ELOVL5: variants seen among roughly 807,000 people sequenced by gnomAD.
The protein encoded by ELOVL5 is very long chain fatty acid elongase 5.
A neutral mutation model predicts 38.6 loss-of-function variants in ELOVL5; 8 were observed. The ratio of observed to expected loss-of-function variants is 0.21; its 90% CI spans 0.12 to 0.37. ELOVL5 has a LOEUF of 0.37. Among genes scored for constraint, ELOVL5 ranks in the 10% least tolerant of loss-of-function variants. ELOVL5 has a pLI of 1.00. For synonymous variants in ELOVL5, 127 were observed against 133.7 expected, an observed-to-expected ratio of 0.95 and a Z score of 0.34; for missense variants, 280 against 367.8, an observed-to-expected ratio of 0.76 and a Z score of 1.95.
In ELOVL5 at chr6:53,348,817, C is replaced by T. The variant is rs1395622258; in HGVS notation, c.-9G>A. On this transcript the variant is annotated splice_region_variant and 5_prime_UTR_variant, in exon 1 of 8. Coordinates refer to ENST00000304434, the MANE Select transcript of ELOVL5 (RefSeq NM_021814.5). ...AGTTTCCCGGAGCTGACGGCTTTAC[C>T]TTTTAGCCCAAGGGGCGGCAGCAGC... The T allele has an allele frequency of 2.2e-6, 1 of 456,450 alleles. No individual in the cohort carries two copies. The highest frequency in any genetic ancestry group is 4.4e-6 in the Non-Finnish European group (1 of 227,010). 28.3% of individuals were successfully genotyped at this position (456,450 alleles called of 1,614,324 possible).
At chr6:53,283,841 T>C (rs1263361542) in intron 3 of ELOVL5, among the ~76,000 whole-genome samples, 4 of 152,172 alleles carry the variant, frequency 2.6e-5, no homozygotes, top group African/African-American at 9.7e-5. Context: ...GATAAAATAT[T>C]ATTCAAGTGT....
In ELOVL5 at chr6:53,273,309, C is replaced by T. The variant is rs754985930; in HGVS notation, c.532G>A (p.Val178Ile). The T allele has an allele frequency of 1.4e-5, 23 of 1,612,734 alleles. No individual in the cohort carries two copies. The highest frequency in any genetic ancestry group is 1.0e-4 in the Admixed American group (6 of 59,938). ...AAACCATAGTAAGAGTACATGAGGACGTGGATGAAGCTATTAAGTGTGGCA... is the reference window on the plus strand; with the variant it reads ...AAACCATAGTAAGAGTACATGAGGATGTGGATGAAGCTATTAAGTGTGGCA... ...FGATLNSFIH[V>I]LMYSYYGLSS... The change falls in exon 6 of 8, where the codon GTC (valine) becomes ATC (isoleucine). Residue 178 changes from valine (V) to isoleucine (I), a missense_variant. Transcript: ENST00000304434.
At chr6:53,337,743 T>G (rs1238212369) in intron 1 of ELOVL5, among the ~76,000 whole-genome samples, 1 of 152,136 alleles carries the variant, frequency 6.6e-6, no homozygotes, top group Admixed American at 6.5e-5. Context: ...TTTTTAGGAA[T>G]CAAGAAAACA....
intron 1 of ELOVL5, among the ~76,000 whole-genome samples, chr6:53,333,185 G>A (rs997556850): frequency 6.6e-6 from 1 of 152,156 alleles, no homozygotes; most frequent in African/African-American, 2.4e-5. Context: ...ACACTTACCT[G>A]CTATAAAGGT....
At chr6:53,326,063 CG>C (rs1341789166) in intron 1 of ELOVL5, among the ~76,000 whole-genome samples, 1 of 152,082 alleles carries the variant, frequency 6.6e-6, no homozygotes, top group Non-Finnish European at 1.5e-5. Flanking sequence ...ATAATTCAAG[CG>C]AAGGCACAGC....
At chr6:53,300,258 A>C (rs1374579423) in intron 1 of ELOVL5, among the ~76,000 whole-genome samples, 1 of 152,112 alleles carries the variant, frequency 6.6e-6, no homozygotes, top group Non-Finnish European at 1.5e-5. Context: ...TACTCAATAC[A>C]ACCTCATGTT....
At chr6:53,325,777 T>A (rs1412777365) in intron 1 of ELOVL5, among the ~76,000 whole-genome samples, 1 of 152,192 alleles carries the variant, frequency 6.6e-6, no homozygotes, top group Non-Finnish European at 1.5e-5. Context: ...CTGGGAAGAA[T>A]TGTGACACTT....
chr6:53,318,280 G>A (rs112626154), intron 1 of ELOVL5, among the ~76,000 whole-genome samples: 19 of 152,266 alleles, frequency 1.2e-4, no homozygotes, highest in African/African-American at 4.3e-4. Flanking sequence ...CTGAATCCAC[G>A]TTAACCCTTC....
intron 1 of ELOVL5, among the ~76,000 whole-genome samples, chr6:53,336,754 A>G (rs1769091855): frequency 6.6e-6 from 1 of 152,246 alleles, no homozygotes; most frequent in Non-Finnish European, 1.5e-5. Flanking sequence ...AGACTGGTCT[A>G]TCATTGGTAT....
chr6:53,291,953 T>C lies in ELOVL5; in HGVS notation c.69A>G (p.Val23=), dbSNP rs760818031. The change falls in exon 3 of 8, where the codon GTA becomes GTG. Residue 23 remains valine (V), a synonymous_variant. Transcript: ENST00000304434. Reference sequence around the variant, plus strand: ...AATTGTCCAGAAGAAACCATCCTTTTACTCTAGTATCTGAAAAATTAAAAA... The same window carrying C: ...AATTGTCCAGAAGAAACCATCCTTTCACTCTAGTATCTGAAAAATTAAAAA... ...KALLGPRDTR[V]KGWFLLDNYI... The C allele has an allele frequency of 9.8e-6, 15 of 1,531,902 alleles. No homozygotes were observed. In the South Asian group the frequency reaches 1.8e-4, roughly 18 times the overall value. The allele number at this position is 1,531,902 out of a possible 1,614,324, so 94.9% of individuals were successfully genotyped here.
At chr6:53,287,905 G>T in intron 3 of ELOVL5, 1 of 1,535,724 alleles carries the variant, frequency 6.5e-7, no homozygotes, top group Non-Finnish European at 8.7e-7. Flanking sequence ...ATCAGTTCGT[G>T]AGGCACAGGC....
intron 3 of ELOVL5, among the ~76,000 whole-genome samples, chr6:53,289,516 C>A (rs895985135): frequency 6.6e-6 from 1 of 152,154 alleles, no homozygotes; most frequent in Non-Finnish European, 1.5e-5. Flanking sequence ...GTCAGGAGTT[C>A]AAGACCAGCC....
At chr6:53,280,162 A>G (rs1581926069) in intron 3 of ELOVL5, among the ~76,000 whole-genome samples, 1 of 152,356 alleles carries the variant, frequency 6.6e-6, no homozygotes, top group East Asian at 1.9e-4. Context: ...TAGGCTGGAG[A>G]AGGTGAAGTA....
chr6:53,307,965 T>G (rs1767663895), intron 1 of ELOVL5, among the ~76,000 whole-genome samples: 1 of 152,210 alleles, frequency 6.6e-6, no homozygotes, highest in East Asian at 1.9e-4. Flanking sequence ...CTATTGCCTA[T>G]CATTCTTAAA....
At chr6:53,300,578 G>T (rs111675172) in intron 1 of ELOVL5, among the ~76,000 whole-genome samples, 13 of 152,198 alleles carry the variant, frequency 8.5e-5, no homozygotes, top group African/African-American at 3.1e-4. Context: ...CCTGAATGGT[G>T]ACAGCAAGCC....
At chr6:53,304,128 A>G (rs911941138) in intron 1 of ELOVL5, among the ~76,000 whole-genome samples, 2 of 152,258 alleles carry the variant, frequency 1.3e-5, no homozygotes, top group East Asian at 3.8e-4. Flanking sequence ...AATCTGTCCT[A>G]TGAGTATAAT....
chr6:53,295,602 T>A, intron 2 of ELOVL5, 40 bp downstream of exon 2: 1 of 1,388,918 alleles, frequency 7.2e-7, no homozygotes. Flanking sequence ...AGGCAGGGAG[T>A]GATGCTGCAG....
chr6:53,295,024 CTTT>C (rs1251466406), intron 2 of ELOVL5, among the ~76,000 whole-genome samples: 2 of 152,122 alleles, frequency 1.3e-5, no homozygotes, highest in African/African-American at 4.8e-5. Context: ...AGACTAAGTC[CTTT>C]TGTTATTTCT....
At position 53,277,401 on chromosome 6, in the gene ELOVL5, G is replaced by A. The variant is rs567279769; in HGVS notation, c.247-1145C>T. On this transcript the variant is annotated intron_variant, in intron 3 of 7. Transcript: ENST00000304434. ...AGAAGAGCACAAGGATTTAGCATGGGAGAAGCATCAGTTCATGATGAAGAG... is the reference window on the plus strand; with the variant it reads ...AGAAGAGCACAAGGATTTAGCATGGAAGAAGCATCAGTTCATGATGAAGAG... 3.3e-5 allele frequency among the ~76,000 whole-genome samples: 5 copies of A among 152,256 alleles called. No homozygotes were observed. The South Asian group carries it at 1.0e-3, about 32-fold the overall frequency.
Sources: allele counts gnomAD v4.1 joint callset (sites outside exome capture counted in the v4.1 genomes callset), GRCh38; gene constraint gnomAD v4.1.1; transcripts MANE v1.5; gene names NCBI Gene and HGNC (gene_info 2026-07-23, HGNC 2026-07-21).